EIF4EBP1: variants seen among roughly 807,000 people sequenced by gnomAD.
EIF4EBP1 encodes eukaryotic translation initiation factor 4E-binding protein 1.
Under a neutral mutation model 9.2 loss-of-function variants are expected in EIF4EBP1, and 5 were observed. That is an observed-to-expected ratio of 0.54 (90% CI 0.28 to 1.14). EIF4EBP1 has a LOEUF of 1.14. Ranked by LOEUF, EIF4EBP1 falls within the 50% of genes most tolerant of loss-of-function variation. The probability of loss-of-function intolerance (pLI) is 0.09; values close to 1 mark genes in which losing one functional copy is unlikely to be tolerated. For missense variants in EIF4EBP1, 139 were observed against 169.6 expected, an observed-to-expected ratio of 0.82 and a Z score of 1.00; for synonymous variants, 62 against 67.0, an observed-to-expected ratio of 0.93 and a Z score of 0.36.
chr8:38,048,318 T>A (rs1809472493), intron 1 of EIF4EBP1, among the ~76,000 whole-genome samples: 1 of 152,126 alleles, frequency 6.6e-6, no homozygotes, highest in Admixed American at 6.6e-5. Context: ...ACATTTGTTG[T>A]TTTTATTATG....
At chr8:38,053,334 T>C (rs1221319241) in intron 1 of EIF4EBP1, among the ~76,000 whole-genome samples, 1 of 152,042 alleles carries the variant, frequency 6.6e-6, no homozygotes, top group Non-Finnish European at 1.5e-5. Context: ...TTTGTTTTGT[T>C]TTGTTTTGAG....
At chr8:38,059,831 C>T (rs1809647614) in intron 2 of EIF4EBP1, 73 bp from the exon 3 acceptor site, 1 of 1,287,866 alleles carries the variant, frequency 7.8e-7, no homozygotes, top group Non-Finnish European at 1.1e-6. Context: ...TTCTTTATAG[C>T]AATGAAAGAA....
chr8:38,041,344 C>G (rs1809377188), intron 1 of EIF4EBP1, among the ~76,000 whole-genome samples: 1 of 152,204 alleles, frequency 6.6e-6, no homozygotes, highest in Non-Finnish European at 1.5e-5. Context: ...CTCAGGCGAT[C>G]TGCCTGCCTT....
chr8:38,046,159 T>G (rs1181617928), intron 1 of EIF4EBP1, among the ~76,000 whole-genome samples: 1 of 152,206 alleles, frequency 6.6e-6, no homozygotes, highest in East Asian at 1.9e-4. Context: ...TGCCTTGGCC[T>G]CCCAGTGTGC....
At chr8:38,056,103 C>T (rs28670792) in intron 1 of EIF4EBP1, among the ~76,000 whole-genome samples, 116,059 of 151,772 alleles carry the variant, frequency 0.76, 44,808 homozygotes, top group Middle Eastern at 0.87. Context: ...GCAATCCTCC[C>T]GTCTCAGCTT....
chr8:38,040,294 T>C (rs535301171), intron 1 of EIF4EBP1, among the ~76,000 whole-genome samples: 1 of 152,340 alleles, frequency 6.6e-6, no homozygotes, highest in Admixed American at 6.5e-5. Flanking sequence ...CAAGAGTAAG[T>C]AACTGCTGCT....
chr8:38,057,407 G>C, intron 2 of EIF4EBP1, 147 bp downstream of exon 2: 1 of 997,242 alleles, frequency 1.0e-6, no homozygotes. Flanking sequence ...CCCAGAGGGT[G>C]AGAGTAGGGG....
intron 1 of EIF4EBP1, among the ~76,000 whole-genome samples, chr8:38,038,893 A>G (rs1049939871): frequency 1.3e-5 from 2 of 151,398 alleles, no homozygotes; most frequent in Admixed American, 1.3e-4. Flanking sequence ...AAACTTCCTT[A>G]AAACATTATG....
chr8:38,047,078 T>C (rs1809457408), intron 1 of EIF4EBP1, among the ~76,000 whole-genome samples: 1 of 152,126 alleles, frequency 6.6e-6, no homozygotes, highest in Admixed American at 6.6e-5. Flanking sequence ...TGGATGTTTC[T>C]CTGGGCCGGG....
rs761170443 is a variant in EIF4EBP1 at position 38,030,578 on chromosome 8, C to A, written c.5C>A (p.Ser2Tyr). The A allele has an allele frequency of 1.7e-5, 25 of 1,515,050 alleles. No individual in the cohort carries two copies. The South Asian group carries it at 2.6e-4, about 15-fold the overall frequency. The allele number at this position is 1,515,050 out of a possible 1,614,324, so 93.9% of individuals were successfully genotyped here. ...GGGTGCAGCGCACAGGAGACCATGT[C>A]CGGGGGCAGCAGCTGCAGCCAGACC... is the stretch of plus-strand genomic sequence containing the variant. M[S>Y]GGSSCSQTPS... is the part of the protein sequence containing the mutation. Residue 2 changes from serine to tyrosine, a missense_variant, in exon 1 of 3, where the codon TCC (serine) becomes TAC (tyrosine). Coordinates refer to ENST00000338825, the MANE Select transcript of EIF4EBP1 (RefSeq NM_004095.4).
intron 1 of EIF4EBP1, among the ~76,000 whole-genome samples, chr8:38,048,300 A>G (rs1014093127): frequency 6.6e-6 from 1 of 152,170 alleles, no homozygotes; most frequent in Non-Finnish European, 1.5e-5. Context: ...AACTAAAATT[A>G]AAAGTAAACA....
At chr8:38,044,798 G>A (rs910793883) in intron 1 of EIF4EBP1, among the ~76,000 whole-genome samples, 2 of 152,122 alleles carry the variant, frequency 1.3e-5, no homozygotes, top group African/African-American at 2.4e-5. Context: ...GCCTCTGGAC[G>A]GCTGTGAGGG....
Position 38,030,660 on chromosome 8 carries a change from C to T in EIF4EBP1, c.87C>T (p.Leu29=), listed in dbSNP as rs1298132526. The part of the protein sequence containing the change: ...RRVVLGDGVQ[L]PPGDYSTTPG... Reference sequence around the variant, plus strand: ...TGGTGCTCGGCGACGGCGTGCAGCTCCCGCCCGGGGACTACAGCACGACCC... The same window carrying T: ...TGGTGCTCGGCGACGGCGTGCAGCTTCCGCCCGGGGACTACAGCACGACCC... Residue 29 remains leucine, a synonymous_variant, in exon 1 of 3, where the codon CTC becomes CTT. Transcript: ENST00000338825. 2.0e-6 allele frequency: 3 copies of T among 1,503,924 alleles called. No individual in the cohort carries two copies. Among genetic ancestry groups the T allele is most frequent in the Non-Finnish European group, 2.6e-6 (3 of 1,132,720 alleles). The allele number at this position is 1,503,924 out of a possible 1,614,324, so 93.2% of individuals were successfully genotyped here. A position where few individuals can be genotyped will look rare whatever the true frequency, so the allele number is the denominator to read the frequency against.
At chr8:38,038,092 C>T (rs1809328734) in intron 1 of EIF4EBP1, among the ~76,000 whole-genome samples, 1 of 152,098 alleles carries the variant, frequency 6.6e-6, no homozygotes, top group Non-Finnish European at 1.5e-5. Context: ...CTTCTCTGAA[C>T]CCTCCTACTT....
intron 1 of EIF4EBP1, among the ~76,000 whole-genome samples, chr8:38,031,348 G>A (rs1237037890): frequency 6.6e-6 from 1 of 152,084 alleles, no homozygotes; most frequent in African/African-American, 2.4e-5. Flanking sequence ...TCTTCTGTCC[G>A]GGGAGAGGAG....
rs1431810816 is a variant in EIF4EBP1 at position 38,043,087 on chromosome 8, T to C, written c.145+12369T>C. Reference sequence around the variant, plus strand: ...ATCTCACACACACGAAAAAAAGTTTTTGGGAGAGATGCTATTCAACTATTC... The same window carrying C: ...ATCTCACACACACGAAAAAAAGTTTCTGGGAGAGATGCTATTCAACTATTC... On this transcript the variant is annotated intron_variant, in intron 1 of 2. Coordinates refer to ENST00000338825, the MANE Select transcript of EIF4EBP1 (RefSeq NM_004095.4). 2.6e-5 allele frequency among the ~76,000 whole-genome samples: 4 copies of C among 152,172 alleles called. No homozygotes were observed. In the South Asian group the frequency reaches 6.2e-4, roughly 24 times the overall value.
chr8:38,057,236 A>G lies in EIF4EBP1; in HGVS notation c.301A>G (p.Ser101Gly). ...AGCCAGCCAGAGCCACCTGCGCAAT[A>G]GCCCAGAAGATAAGCGGGCGGGCGG... The part of the protein sequence containing the change: ...MEASQSHLRN[S>G]PEDKRAGGEE... Residue 101 changes from serine (S) to glycine (G), a missense_variant, in exon 2 of 3, where the codon AGC becomes GGC. By Grantham distance (56) the Ser-to-Gly change is moderately conservative (BLOSUM62 0). Coordinates refer to ENST00000338825, the MANE Select transcript of EIF4EBP1 (RefSeq NM_004095.4). 6.2e-7 allele frequency: 1 copy of G among 1,612,892 alleles called. No homozygotes were observed. The highest frequency in any genetic ancestry group is 8.5e-7 in the Non-Finnish European group (1 of 1,179,134).
chr8:38,036,274 G>A (rs1487195341), intron 1 of EIF4EBP1, among the ~76,000 whole-genome samples: 2 of 151,994 alleles, frequency 1.3e-5, no homozygotes, highest in African/African-American at 4.8e-5. Context: ...AGCACTTTGG[G>A]AGGCTAAGCA....
chr8:38,041,421 A>G (rs1262725662), intron 1 of EIF4EBP1, among the ~76,000 whole-genome samples: 1 of 152,192 alleles, frequency 6.6e-6, no homozygotes, highest in Non-Finnish European at 1.5e-5. Context: ...ATGCCTTTTA[A>G]TGAGAGAAGC....
Sources: gnomAD v4.1 joint callset for allele counts (sites outside exome capture counted in the v4.1 genomes callset) on GRCh38, gnomAD v4.1.1 for gene constraint, MANE v1.5 for transcripts, NCBI Gene and HGNC (gene_info 2026-07-23, HGNC 2026-07-21) for gene names.